ABHD18: variants seen among roughly 807,000 people sequenced by gnomAD.
The protein encoded by ABHD18 is cardiolipin-specific deacylase, mitochondrial.
ABHD18 carries 55 observed loss-of-function variants against 65.9 expected under a neutral mutation model. That is an observed-to-expected ratio of 0.84 (90% confidence interval 0.67 to 1.05). ABHD18 has a LOEUF of 1.05. Among genes scored for constraint, ABHD18 ranks in the 50% least tolerant of loss-of-function variants. ABHD18 has a pLI of 0.00. For synonymous variants in ABHD18, 181 were observed against 180.2 expected (o/e 1.00, Z -0.04); for missense variants, 533 against 558.5 (o/e 0.95, Z 0.46).
At chr4:128,027,146 A>G (rs1456711530) in intron 10 of ABHD18, among the ~76,000 whole-genome samples, 1 of 152,220 alleles carries the variant, frequency 6.6e-6, no homozygotes, top group African/African-American at 2.4e-5. Flanking sequence ...TGCCTACAGT[A>G]TTAAGTACAG....
At chr4:128,012,637 A>ATATGAGAACATGATAT (rs1754765993) in intron 7 of ABHD18, among the ~76,000 whole-genome samples, 1 of 152,220 alleles carries the variant, frequency 6.6e-6, no homozygotes. Flanking sequence ...ACAGTATTAT[A>ATATGAGAACATGATAT]TATGAGAACA....
chr4:128,012,226 C>T (rs561543648), intron 7 of ABHD18, among the ~76,000 whole-genome samples: 33 of 152,180 alleles, frequency 2.2e-4, no homozygotes, highest in Non-Finnish European at 4.1e-4. Context: ...ATCCACCCAC[C>T]TTGGCCTCCC....
intron 1 of ABHD18, among the ~76,000 whole-genome samples, chr4:127,981,430 A>T (rs1013157662): frequency 1.3e-5 from 2 of 152,082 alleles, no homozygotes; most frequent in Non-Finnish European, 2.9e-5. Flanking sequence ...TTAATTTTTA[A>T]TTATTTTCCC....
At chr4:128,023,431 A>C (rs1035903259) in intron 10 of ABHD18, among the ~76,000 whole-genome samples, 42 of 148,776 alleles carry the variant, frequency 2.8e-4, no homozygotes, top group South Asian at 1.3e-3. Flanking sequence ...AAAAAAAAAA[A>C]AAAGCTGGGC....
chr4:127,983,166 A>G, intron 2 of ABHD18, 119 bp downstream of exon 2: 1 of 609,258 alleles, frequency 1.6e-6, no homozygotes, highest in Non-Finnish European at 2.8e-6. Flanking sequence ...AAATTAAACT[A>G]TGTAAAATGT....
intron 1 of ABHD18, 109 bp downstream of exon 1, chr4:127,965,715 G>A (rs1182290228): frequency 1.2e-5 from 2 of 169,584 alleles, no homozygotes; most frequent in Admixed American, 1.1e-4. Context: ...AGCTGGGCGG[G>A]AGACTCGCGG....
chr4:128,025,774 T>C (rs1187115751), intron 10 of ABHD18, among the ~76,000 whole-genome samples: 1 of 152,230 alleles, frequency 6.6e-6, no homozygotes, highest in Non-Finnish European at 1.5e-5. Flanking sequence ...TATCAAACTT[T>C]AGTTTTTATT....
At chr4:128,007,993 G>T (rs1753902764) in intron 4 of ABHD18, among the ~76,000 whole-genome samples, 2 of 151,536 alleles carry the variant, frequency 1.3e-5, no homozygotes, top group Non-Finnish European at 2.9e-5. Flanking sequence ...GCTAGGCATG[G>T]TGGCTCACAC....
At chr4:127,996,139 AAAC>A (rs1751692396) in intron 4 of ABHD18, among the ~76,000 whole-genome samples, 4 of 152,376 alleles carry the variant, frequency 2.6e-5, no homozygotes, top group South Asian at 2.1e-4. Context: ...ATGTGCTGGA[AAAC>A]CAGTATTTAG....
At chr4:127,982,632 A>G (rs569400570) in intron 1 of ABHD18, among the ~76,000 whole-genome samples, 1 of 152,298 alleles carries the variant, frequency 6.6e-6, no homozygotes, top group Admixed American at 6.5e-5. Flanking sequence ...CAGATAATAC[A>G]CTATCACATA....
chr4:127,974,236 C>T (rs542124929), intron 1 of ABHD18, among the ~76,000 whole-genome samples: 35 of 118,352 alleles, frequency 3.0e-4, no homozygotes, highest in Middle Eastern at 0.015. Flanking sequence ...CTTACTCTGT[C>T]GCCCACGCTG....
rs1039744690 is a variant in ABHD18 at position 128,037,114 on chromosome 4, A to C, written c.*1301A>C. 1.9e-5 allele frequency: 2 copies of C among 105,538 alleles called. No individual in the cohort carries two copies. The highest frequency in any genetic ancestry group is 3.6e-5 in the Non-Finnish European group (2 of 55,066). 6.5% of individuals were successfully genotyped at this position (105,538 alleles called of 1,614,324 possible). The stretch of plus-strand genomic sequence containing the variant: ...AGCCTGGGCAACAGAGCAAAACTCC[A>C]TCTCAAAAAAAAAAAAAAAAAAAAA... On this transcript the variant is annotated 3_prime_UTR_variant, in exon 13 of 13. Coordinates refer to ENST00000645843, the MANE Select transcript of ABHD18 (RefSeq NM_001358451.3).
At chr4:127,993,494 T>C (rs1751259811) in intron 4 of ABHD18, among the ~76,000 whole-genome samples, 1 of 150,740 alleles carries the variant, frequency 6.6e-6, no homozygotes, top group Non-Finnish European at 1.5e-5. Flanking sequence ...ATGATGCACA[T>C]TGACATCTAT....
intron 6 of ABHD18, chr4:128,009,630 T>G (rs1346344192): frequency 6.5e-6 from 1 of 154,832 alleles, no homozygotes; most frequent in Non-Finnish European, 1.5e-5. Flanking sequence ...TGGTAATAAA[T>G]GTAGAGTTAA....
chr4:127,984,371 G>C lies in ABHD18; in HGVS notation c.125G>C (p.Arg42Pro). ...LFEFRKMIGN[R>P]ERCQNLVSSD... Reference sequence around the variant, plus strand: ...GAATTCAGAAAGATGATTGGAAATCGGGAAAGATGCCAGAATCTGGTTTCA... The same window carrying C: ...GAATTCAGAAAGATGATTGGAAATCCGGAAAGATGCCAGAATCTGGTTTCA... Residue 42 changes from arginine (R) to proline (P), a missense_variant, in exon 3 of 13, where the codon CGG becomes CCG. Physicochemically the swap from Arg to Pro is moderately radical, Grantham distance 103. This residue lies in a region of ABHD18 where 309 missense variants were observed against 313.5 expected (regional missense o/e 0.99). Coordinates refer to ENST00000645843, the MANE Select transcript of ABHD18 (RefSeq NM_001358451.3). 1 of 1,549,994 alleles carries C rather than the reference G, an allele frequency of 6.5e-7. No individual in the cohort carries two copies. Among genetic ancestry groups the C allele is most frequent in the Non-Finnish European group, 8.7e-7 (1 of 1,145,402 alleles).
chr4:127,994,508 A>C (rs1336993876), intron 4 of ABHD18, among the ~76,000 whole-genome samples: 1 of 152,004 alleles, frequency 6.6e-6, no homozygotes, highest in Non-Finnish European at 1.5e-5. Context: ...AATCGCTTGA[A>C]CCTGGAAGGC....
chr4:127,985,950 G>A (rs1375889004), intron 3 of ABHD18, among the ~76,000 whole-genome samples: 1 of 152,152 alleles, frequency 6.6e-6, no homozygotes, highest in Non-Finnish European at 1.5e-5. Context: ...AGGATGCGGA[G>A]GTTGCAGTGA....
chr4:128,020,358 G>C (rs954795328), intron 9 of ABHD18, among the ~76,000 whole-genome samples, 189 bp downstream of exon 9: 1 of 152,176 alleles, frequency 6.6e-6, no homozygotes, highest in South Asian at 2.1e-4. Flanking sequence ...AGGAAAAAGC[G>C]CATGAGGTAG....
rs575085341 is a variant in ABHD18 at position 128,016,435 on chromosome 4, G to T, written c.471-928G>T. ...TATTTGAGATTTCAGTAATACATGA[G>T]CCTAGTGTTTGGTTAAATTCTTTAT... On this transcript the variant is annotated intron_variant, in intron 7 of 12. Transcript: ENST00000645843. Among the ~76,000 whole-genome samples, 32 of 152,220 alleles carry T rather than the reference G, an allele frequency of 2.1e-4. 1 individual carries two copies. The South Asian group carries it at 6.2e-3, about 30-fold the overall frequency.
Sources: allele counts gnomAD v4.1 joint callset (sites outside exome capture counted in the v4.1 genomes callset), GRCh38; gene constraint gnomAD v4.1.1; regional missense constraint gnomAD v4.1.1; transcripts MANE v1.5; gene names NCBI Gene and HGNC (gene_info 2026-07-23, HGNC 2026-07-21).